Variants in TRAPPC9 observed in about 807,000 individuals in gnomAD.
The protein encoded by TRAPPC9 is trafficking protein particle complex subunit 9.
TRAPPC9 carries 83 observed loss-of-function variants against 124.0 expected under a neutral mutation model. The observed-to-expected ratio is 0.67, with a 90% confidence interval of 0.56 to 0.80. The LOEUF is 0.80. Among genes scored for constraint, TRAPPC9 ranks in the 30% least tolerant of loss-of-function variants. The pLI is 0.00. For missense variants in TRAPPC9, 1,302 were observed against 1,508.3 expected (o/e 0.86, Z 2.27); for synonymous variants, 638 against 617.5 (o/e 1.03, Z -0.49).
chr8:139,975,719 C>T lies in TRAPPC9; in HGVS notation c.2810+13007G>A, dbSNP rs1324539974. On this transcript the variant is annotated intron_variant, in intron 19 of 22. Coordinates refer to ENST00000438773, the MANE Select transcript of TRAPPC9 (RefSeq NM_001160372.4). ...GAGCATCAGCATCCAGGCCATGGGA[C>T]GCCATTTCCCTCCCAACTTCACCCC... 5.3e-5 allele frequency among the ~76,000 whole-genome samples: 8 copies of T among 152,098 alleles called. No homozygotes were observed. In the East Asian group the frequency reaches 1.2e-3, roughly 22 times the overall value.
At chr8:140,067,433 A>G (rs10109614) in intron 17 of TRAPPC9, among the ~76,000 whole-genome samples, 112,514 of 152,096 alleles carry the variant, frequency 0.74, 42,446 homozygotes, top group African/African-American at 0.9. Context: ...CTGAGCCACC[A>G]CGCCCCACCA....
At chr8:140,239,669 TC>T (rs1315801578) in intron 16 of TRAPPC9, among the ~76,000 whole-genome samples, 4 of 152,166 alleles carry the variant, frequency 2.6e-5, no homozygotes, top group Non-Finnish European at 5.9e-5. Context: ...CTCCGCCAGG[TC>T]CTCTGCTCTC....
At chr8:140,094,760 C>T (rs994859274) in intron 17 of TRAPPC9, 1 of 152,292 alleles carries the variant, frequency 6.6e-6, no homozygotes, top group Non-Finnish European at 1.5e-5. Context: ...GTCCGAATCC[C>T]AGCTCCACCA....
intron 21 of TRAPPC9, among the ~76,000 whole-genome samples, chr8:139,816,527 C>T (rs917743992): frequency 3.3e-5 from 5 of 152,136 alleles, no homozygotes; most frequent in African/African-American, 1.2e-4. Flanking sequence ...CAGGGGCCGA[C>T]CCAGAGGGGA....
intron 21 of TRAPPC9, among the ~76,000 whole-genome samples, chr8:139,783,428 A>G (rs1821972761): frequency 6.6e-6 from 1 of 152,242 alleles, no homozygotes; most frequent in Admixed American, 6.5e-5. Flanking sequence ...CAACATAGAT[A>G]AAATGGATAA....
At chr8:139,811,217 A>C (rs1824426900) in intron 21 of TRAPPC9, among the ~76,000 whole-genome samples, 1 of 152,200 alleles carries the variant, frequency 6.6e-6, no homozygotes, top group African/African-American at 2.4e-5. Context: ...TTAAATAAAA[A>C]AATTTAATAC....
intron 17 of TRAPPC9, among the ~76,000 whole-genome samples, chr8:140,167,396 C>G (rs2061861412): frequency 6.6e-6 from 1 of 152,140 alleles, no homozygotes; most frequent in African/African-American, 2.4e-5. Context: ...ACACACACCA[C>G]ACGCCAAAAG....
intron 10 of TRAPPC9, among the ~76,000 whole-genome samples, chr8:140,304,315 G>A (rs1344768864): frequency 6.6e-6 from 1 of 151,966 alleles, no homozygotes; most frequent in Non-Finnish European, 1.5e-5. Flanking sequence ...GGCCGGTCTC[G>A]AACTCCTGAC....
chr8:140,272,116 A>AATGGTG (rs1554657920), intron 15 of TRAPPC9, among the ~76,000 whole-genome samples: 115 of 120,118 alleles, frequency 9.6e-4, no homozygotes, highest in Non-Finnish European at 1.6e-3. Context: ...TGGTGGTGGC[A>AATGGTG]ATGGTGATGG....
chr8:140,329,620 A>G (rs1057262893), intron 9 of TRAPPC9, among the ~76,000 whole-genome samples: 1 of 152,246 alleles, frequency 6.6e-6, no homozygotes, highest in Non-Finnish European at 1.5e-5. Context: ...CCACACTGCT[A>G]GTAAGTGAGG....
At chr8:140,014,402 T>C (rs1474375327) in intron 18 of TRAPPC9, among the ~76,000 whole-genome samples, 1 of 152,092 alleles carries the variant, frequency 6.6e-6, no homozygotes, top group Non-Finnish European at 1.5e-5. Context: ...AAAAGTCAAC[T>C]GAGACCTATG....
chr8:139,892,379 G>A (rs1438747063), intron 20 of TRAPPC9, among the ~76,000 whole-genome samples: 1 of 152,220 alleles, frequency 6.6e-6, no homozygotes, highest in Non-Finnish European at 1.5e-5. Flanking sequence ...AGGTGAAGGA[G>A]AACCTCCTGC....
In TRAPPC9 at chr8:140,027,771, T is replaced by G. The variant is rs368324861; in HGVS notation, c.2557-3692A>C. On this transcript the variant is annotated intron_variant, in intron 17 of 22. Transcript: ENST00000438773. The stretch of plus-strand genomic sequence containing the variant: ...GTAGGCCTCAGGAAATGTAGAATCA[T>G]GGCAGAAGGGGAAGAAGCATATCTT... Among the ~76,000 whole-genome samples, 4 of 152,294 alleles carry G rather than the reference T, an allele frequency of 2.6e-5. No individual in the cohort carries two copies. In the East Asian group the frequency reaches 7.7e-4, roughly 29 times the overall value.
intron 17 of TRAPPC9, among the ~76,000 whole-genome samples, chr8:140,218,118 CA>C (rs1207778040): frequency 6.6e-6 from 1 of 152,110 alleles, no homozygotes; most frequent in South Asian, 2.1e-4. Context: ...GGTCTCACAG[CA>C]AACGGCCAGC....
At chr8:140,238,098 G>C (rs115665283) in intron 16 of TRAPPC9, among the ~76,000 whole-genome samples, 1 of 152,098 alleles carries the variant, frequency 6.6e-6, no homozygotes, top group Non-Finnish European at 1.5e-5. Flanking sequence ...CTTGTCTCAC[G>C]GTGAGTCACC....
chr8:140,191,736 C>T (rs2131085537), intron 17 of TRAPPC9, among the ~76,000 whole-genome samples: 1 of 152,300 alleles, frequency 6.6e-6, no homozygotes, highest in South Asian at 2.1e-4. Context: ...TATCACAATG[C>T]AAGAACAACC....
chr8:140,277,241 G>A (rs991509231), intron 14 of TRAPPC9, among the ~76,000 whole-genome samples: 1 of 152,248 alleles, frequency 6.6e-6, no homozygotes, highest in Admixed American at 6.5e-5. Context: ...TCCAGATACA[G>A]ACTCTGATAG....
chr8:140,062,146 G>A (rs886503534), intron 17 of TRAPPC9, among the ~76,000 whole-genome samples: 5 of 152,146 alleles, frequency 3.3e-5, no homozygotes, highest in African/African-American at 1.2e-4. Context: ...GTGGAGCACA[G>A]GTCTGCAGGG....
At chr8:139,844,739 G>A (rs1036509360) in intron 21 of TRAPPC9, among the ~76,000 whole-genome samples, 16 of 152,344 alleles carry the variant, frequency 1.1e-4, no homozygotes, top group South Asian at 4.1e-4. Context: ...AAATAGAATT[G>A]TTTTTCATTT....
Sources: allele counts gnomAD v4.1 joint callset (sites outside exome capture counted in the v4.1 genomes callset), GRCh38; gene constraint gnomAD v4.1.1; transcripts MANE v1.5; gene names NCBI Gene and HGNC (gene_info 2026-07-23, HGNC 2026-07-21).